Variants in DNAH3 observed in about 807,000 individuals in gnomAD.
DNAH3 encodes the protein axonemal beta dynein heavy chain 3.
DNAH3 carries 332 observed loss-of-function variants against 432.5 expected under a neutral mutation model. The ratio of observed to expected loss-of-function variants is 0.77; its 90% CI spans 0.70 to 0.84. DNAH3 has a LOEUF of 0.84. Among genes scored for constraint, DNAH3 ranks in the 40% least tolerant of loss-of-function variants. The pLI is 0.00. For synonymous variants in DNAH3, 1,956 were observed against 1,900.2 expected (o/e 1.03, Z -0.76); for missense variants, 4,861 against 5,114.0 (o/e 0.95, Z 1.51).
chr16:21,024,758 A>G, intron 38 of DNAH3, 57 bp from the exon 39 acceptor site: 1 of 1,344,092 alleles, frequency 7.4e-7, no homozygotes, highest in Non-Finnish European at 1.1e-6. Flanking sequence ...AATACGGGTT[A>G]ACATTTATTG....
At chr16:21,141,226 T>C in intron 4 of DNAH3, 74 bp downstream of exon 5, 2 of 979,956 alleles carry the variant, frequency 2.0e-6, no homozygotes, top group Non-Finnish European at 3.1e-6. Flanking sequence ...AAGCAGAGTG[T>C]GGCTTTAGTG....
chr16:20,979,409 T>C (rs778358470), exon 50 of DNAH3: 17 of 1,614,078 alleles, frequency 1.1e-5, no homozygotes, highest in Non-Finnish European at 1.3e-5. Context: ...CCTCTTGCTA[T>C]TCAGGAGCGT....
intron 25 of DNAH3, among the ~76,000 whole-genome samples, chr16:21,061,025 G>C (rs2090340212): frequency 1.3e-5 from 2 of 151,010 alleles, no homozygotes; most frequent in African/African-American, 4.9e-5. Flanking sequence ...TTTCTGTAGA[G>C]CCGTGGTCTC....
chr16:21,023,786 G>GGTGTGT (rs3220045), intron 39 of DNAH3, among the ~76,000 whole-genome samples: 20,057 of 146,338 alleles, frequency 0.14, 1,432 homozygotes, highest in South Asian at 0.21. Context: ...CAGCTTTTGG[G>GGTGTGT]GTGTGTGTGT....
intron 9 of DNAH3, among the ~76,000 whole-genome samples, chr16:21,124,713 G>A (rs531349823): frequency 3.5e-4 from 53 of 151,622 alleles, no homozygotes; most frequent in African/African-American, 1.2e-3. Flanking sequence ...GCAATGGCGC[G>A]ATCTGGTCTC....
chr16:21,059,800 G>C (rs1374040093), intron 26 of DNAH3, among the ~76,000 whole-genome samples: 1 of 151,608 alleles, frequency 6.6e-6, no homozygotes, highest in Non-Finnish European at 1.5e-5. Context: ...AGAAGAAAGA[G>C]AGCTAGAGTC....
At chr16:21,104,484 C>T (rs1454777911) in exon 16 of DNAH3, 3 of 1,613,880 alleles carry the variant, frequency 1.9e-6, no homozygotes, top group Non-Finnish European at 1.7e-6. Context: ...TTAATCAGAT[C>T]CATTTCTGCC....
intron 18 of DNAH3, among the ~76,000 whole-genome samples, 172 bp from the exon 19 acceptor site, chr16:21,087,232 G>C (rs1184267193): frequency 2.0e-5 from 3 of 152,156 alleles, no homozygotes; most frequent in Non-Finnish European, 2.9e-5. Context: ...ATATGATACA[G>C]GACTTTTCTA....
rs180823624 is a variant in DNAH3 at position 21,155,244 on chromosome 16, C to T, written c.117+4081G>A. 3.0e-3 allele frequency among the ~76,000 whole-genome samples: 449 copies of T among 152,170 alleles called. 1 individual carries two copies. The highest frequency in any genetic ancestry group is 5.2e-3 in the Non-Finnish European group (353 of 67,998). The stretch of plus-strand genomic sequence containing the variant: ...GGATTCAGGCATGAGCCACCATGCC[C>T]GGCCTTGTTTCTCAATTGGGCTGCC... On this transcript the variant is annotated intron_variant, in intron 1 of 61. Transcript: ENST00000261383.
chr16:21,018,177 T>A (rs2087959256), intron 41 of DNAH3, among the ~76,000 whole-genome samples: 1 of 152,192 alleles, frequency 6.6e-6, no homozygotes, highest in Non-Finnish European at 1.5e-5. Flanking sequence ...AATGCACATA[T>A]TTGTGTAATC....
At chr16:21,070,642 T>C (rs1355200080) in intron 22 of DNAH3, 68 bp downstream of exon 22, 13 of 970,960 alleles carry the variant, frequency 1.3e-5, no homozygotes, top group Non-Finnish European at 2.0e-5. Context: ...CGTGAAAACC[T>C]TTCCCCTCCT....
chr16:20,982,868 T>TCC lies in DNAH3; in HGVS notation c.7710_7711dup (p.Asp2571GlyfsTer14). The stretch of plus-strand genomic sequence containing the variant: ...CATCCGCAGGCGGTTCCTGAAGGCA[T>TCC]CCCCTATTGGACTCATGGCTAATGA... On this transcript the variant is annotated frameshift_variant, in exon 49 of 62. Coordinates refer to ENST00000261383, the Ensembl canonical transcript of DNAH3. LOFTEE classifies it high-confidence loss of function. 1 of 1,614,134 alleles carries TCC rather than the reference T, an allele frequency of 6.2e-7. No individual in the cohort carries two copies. The highest frequency in any genetic ancestry group is 1.1e-5 in the South Asian group (1 of 91,082).
chr16:20,942,882 T>C (rs2083878335), intron 58 of DNAH3, among the ~76,000 whole-genome samples: 1 of 152,198 alleles, frequency 6.6e-6, no homozygotes, highest in East Asian at 1.9e-4. Context: ...AGAAAGTTAC[T>C]CTTTCAGGTT....
At chr16:21,150,350 A>T (rs779336553) in intron 1 of DNAH3, 32 of 451,562 alleles carry the variant, frequency 7.1e-5, no homozygotes, top group South Asian at 1.1e-4. Context: ...CTATTTTTTT[A>T]AAATGAATAA....
chr16:20,969,576 C>T (rs2085235256), intron 52 of DNAH3, among the ~76,000 whole-genome samples: 3 of 152,314 alleles, frequency 2.0e-5, no homozygotes, highest in Middle Eastern at 3.4e-3. Flanking sequence ...CTACAGATAC[C>T]TGCATTTTTC....
chr16:20,982,154 C>A (rs1386278487), intron 49 of DNAH3, among the ~76,000 whole-genome samples: 3 of 151,828 alleles, frequency 2.0e-5, no homozygotes, highest in Non-Finnish European at 4.4e-5. Context: ...GAGGCCAAGG[C>A]GGGCAGATTA....
chr16:21,073,256 C>T (rs909194026), intron 21 of DNAH3, among the ~76,000 whole-genome samples: 7 of 152,156 alleles, frequency 4.6e-5, no homozygotes, highest in Non-Finnish European at 7.3e-5. Flanking sequence ...GTTTCTTGAT[C>T]CCCATTTAGC....
chr16:20,990,380 C>A (rs185514651), intron 44 of DNAH3, among the ~76,000 whole-genome samples: 5 of 152,310 alleles, frequency 3.3e-5, no homozygotes, highest in Non-Finnish European at 1.5e-5. Flanking sequence ...TATATACCAG[C>A]TTTATTGATA....
intron 49 of DNAH3, among the ~76,000 whole-genome samples, chr16:20,982,366 A>T (rs529275039): frequency 6.6e-6 from 1 of 152,246 alleles, no homozygotes; most frequent in African/African-American, 2.4e-5. Context: ...AGCCTGGGGG[A>T]TAGAGCAAGA....
Sources: allele counts gnomAD v4.1 joint callset (sites outside exome capture counted in the v4.1 genomes callset), GRCh38; gene constraint gnomAD v4.1.1; transcripts MANE v1.5; gene names NCBI Gene and HGNC (gene_info 2026-07-23, HGNC 2026-07-21).